The following MS4A4E variants were observed in gnomAD, a reference collection of about 807,000 sequenced individuals.
MS4A4E encodes putative membrane-spanning 4-domains subfamily A member 4E.
MS4A4E carries 23 observed loss-of-function variants against 13.3 expected under a neutral mutation model. The observed-to-expected ratio is 1.73, with a 90% CI of 1.25 to 2.45. The LOEUF is 2.45. Among genes scored for constraint, MS4A4E ranks in the 30% most tolerant of loss-of-function variants. The pLI is 0.00. For synonymous variants in MS4A4E, 36 were observed against 45.6 expected, an observed-to-expected ratio of 0.79 and a Z score of 0.85; for missense variants, 144 against 131.2, an observed-to-expected ratio of 1.10 and a Z score of -0.48.
chr11:60,226,905 T>C (rs2084351185), intron 3 of MS4A4E, among the ~76,000 whole-genome samples: 1 of 152,094 alleles, frequency 6.6e-6, no homozygotes, highest in Non-Finnish European at 1.5e-5. Context: ...AACCAAAAAC[T>C]CCTGGAATTA....
At chr11:60,213,734 T>C (rs1036748338) in intron 4 of MS4A4E, among the ~76,000 whole-genome samples, 1 of 152,214 alleles carries the variant, frequency 6.6e-6, no homozygotes, top group African/African-American at 2.4e-5. Context: ...CAAATAGTGT[T>C]TAGCCAGAAA....
At chr11:60,207,900 G>C (rs1381691266) in intron 6 of MS4A4E, among the ~76,000 whole-genome samples, 2 of 152,180 alleles carry the variant, frequency 1.3e-5, no homozygotes, top group Non-Finnish European at 2.9e-5. Flanking sequence ...GACTGATAGA[G>C]AAGTCTGAGA....
In MS4A4E at chr11:60,241,479, C is replaced by T. The variant is rs11230209; in HGVS notation, c.-17+1479G>A. Among the ~76,000 whole-genome samples the T allele has an allele frequency of 9.5e-3, 1,435 of 150,710 alleles. 28 individuals are homozygous for T. Among genetic ancestry groups the T allele is most frequent in the African/African-American group, 0.032 (1,318 of 41,438 alleles). ...GTAAGGCTGTAAGCTTCCTGAGGGC[C>T]GAGCCATTATATCAAATTAAGGCTT... On this transcript the variant is annotated intron_variant, in intron 1 of 8. Transcript: ENST00000651255.
intron 7 of MS4A4E, among the ~76,000 whole-genome samples, 95 bp from the exon 8 acceptor site, chr11:60,205,053 A>C (rs1048413202): frequency 1.8e-4 from 28 of 152,206 alleles, no homozygotes; most frequent in Admixed American, 9.8e-4. Flanking sequence ...TAGATACGTG[A>C]GTGTAGGGCA....
intron 1 of MS4A4E, among the ~76,000 whole-genome samples, chr11:60,242,082 T>G (rs976769557): frequency 6.6e-6 from 1 of 152,096 alleles, no homozygotes; most frequent in African/African-American, 2.4e-5. Flanking sequence ...TCAAATAGAC[T>G]AGAAACCCAA....
At chr11:60,208,334 C>T (rs562843790) in intron 6 of MS4A4E, among the ~76,000 whole-genome samples, 1 of 152,282 alleles carries the variant, frequency 6.6e-6, no homozygotes, top group African/African-American at 2.4e-5. Context: ...GAGTCCTCAA[C>T]TTAAAGGAAA....
chr11:60,218,162 C>T (rs565724857), intron 3 of MS4A4E, among the ~76,000 whole-genome samples: 7 of 152,270 alleles, frequency 4.6e-5, no homozygotes, highest in Non-Finnish European at 5.9e-5. Context: ...TCTCCCATAG[C>T]GCTCCCAGGC....
chr11:60,227,295 T>C (rs899046854), intron 3 of MS4A4E, among the ~76,000 whole-genome samples: 1 of 152,168 alleles, frequency 6.6e-6, no homozygotes, highest in Non-Finnish European at 1.5e-5. Flanking sequence ...CTCACCCCTG[T>C]AATCCCAGCA....
intron 7 of MS4A4E, among the ~76,000 whole-genome samples, 25 bp from the exon 8 acceptor site, chr11:60,204,983 T>C (rs990721073): frequency 2.6e-5 from 4 of 152,106 alleles, no homozygotes; most frequent in South Asian, 2.1e-4. Context: ...CAGGTTAGCA[T>C]TGAAAGAAGG....
chr11:60,224,940 T>A, intron 3 of MS4A4E: 1 of 1,485,032 alleles, frequency 6.7e-7, no homozygotes, highest in Non-Finnish European at 9.0e-7. Flanking sequence ...TTATATCCAA[T>A]TATATCAAAA....
chr11:60,210,206 A>T (rs926544000), intron 5 of MS4A4E, among the ~76,000 whole-genome samples: 1 of 152,272 alleles, frequency 6.6e-6, no homozygotes, highest in Non-Finnish European at 1.5e-5. Context: ...ATTTACAAAA[A>T]CAAATACAGG....
chr11:60,216,267 C>G (rs1254058033), intron 3 of MS4A4E, among the ~76,000 whole-genome samples: 1 of 152,114 alleles, frequency 6.6e-6, no homozygotes, highest in East Asian at 1.9e-4. Context: ...TGGTAATCTA[C>G]TGAACACGTG....
intron 3 of MS4A4E, among the ~76,000 whole-genome samples, chr11:60,219,582 C>G (rs1277654302): frequency 6.6e-6 from 1 of 152,200 alleles, no homozygotes; most frequent in Non-Finnish European, 1.5e-5. Context: ...CTATCAATTT[C>G]CAGACATATG....
chr11:60,238,274 C>G (rs1239086049), intron 1 of MS4A4E, among the ~76,000 whole-genome samples: 1 of 151,864 alleles, frequency 6.6e-6, no homozygotes, highest in East Asian at 1.9e-4. Context: ...GTAAAATTCA[C>G]CAGTGAAATC....
chr11:60,232,327 A>AATGAATAAAC (rs2084422396), intron 1 of MS4A4E, among the ~76,000 whole-genome samples: 1 of 146,290 alleles, frequency 6.8e-6, no homozygotes, highest in African/African-American at 2.5e-5. Flanking sequence ...ACACACCAAA[A>AATGAATAAAC]ATGAATAAAC....
At chr11:60,241,862 C>A (rs1163345408) in intron 1 of MS4A4E, among the ~76,000 whole-genome samples, 5 of 152,092 alleles carry the variant, frequency 3.3e-5, no homozygotes, top group Admixed American at 1.3e-4. Context: ...ACAATGTCTT[C>A]CCCGCCCCTC....
Position 60,243,137 on chromosome 11 carries a change from T to C in MS4A4E, c.-196A>G. 2.2e-6 allele frequency: 1 copy of C among 453,956 alleles called. No homozygotes were observed. The highest frequency in any genetic ancestry group is 3.9e-6 in the Non-Finnish European group (1 of 257,628). The allele number at this position is 453,956 out of a possible 1,614,324, so 28.1% of individuals were successfully genotyped here. ...CCTTAAAGGATGTGTTGAGAACTTCTGAGACACACAACTAGTTCCTCTTTT... is the reference window on the plus strand; with the variant it reads ...CCTTAAAGGATGTGTTGAGAACTTCCGAGACACACAACTAGTTCCTCTTTT... On this transcript the variant is annotated 5_prime_UTR_variant, in exon 1 of 9. Coordinates refer to ENST00000651255, the MANE Select transcript of MS4A4E (RefSeq NM_001393391.1).
At chr11:60,203,284 C>A (rs2134908549) in intron 8 of MS4A4E, among the ~76,000 whole-genome samples, 1 of 152,158 alleles carries the variant, frequency 6.6e-6, no homozygotes, top group South Asian at 2.1e-4. Flanking sequence ...ATATCGCCTA[C>A]CAGTGTCAAT....
rs565682433 is a variant in MS4A4E at position 60,240,097 on chromosome 11, G to A, written c.-17+2861C>T. ...GAAGGTGGCACAAGGAATATTATGTGGAGATTACTTCAGAACACTACAAGC... is the reference window on the plus strand; with the variant it reads ...GAAGGTGGCACAAGGAATATTATGTAGAGATTACTTCAGAACACTACAAGC... On this transcript the variant is annotated intron_variant, in intron 1 of 8. Transcript: ENST00000651255. 3.9e-5 allele frequency among the ~76,000 whole-genome samples: 6 copies of A among 152,308 alleles called. No homozygotes were observed. In the South Asian group the frequency reaches 1.2e-3, roughly 32 times the overall value.
Sources: allele counts gnomAD v4.1 joint callset (sites outside exome capture counted in the v4.1 genomes callset), GRCh38; gene constraint gnomAD v4.1.1; transcripts MANE v1.5; gene names NCBI Gene and HGNC (gene_info 2026-07-23, HGNC 2026-07-21).